Variants in TRIM16 observed in about 807,000 individuals in gnomAD.
TRIM16 encodes the protein tripartite motif containing 16.
In TRIM16, 33 loss-of-function variants were observed where a neutral mutation model predicts 50.4. The ratio of observed to expected loss-of-function variants is 0.65; its 90% confidence interval spans 0.50 to 0.88. The LOEUF (loss-of-function observed/expected upper bound fraction) is 0.88, where lower values mean the gene tolerates loss of function less well. TRIM16 is among the 40% of genes least tolerant of loss of function. TRIM16 has a pLI of 0.00. For missense variants in TRIM16, 581 were observed against 686.8 expected, an observed-to-expected ratio of 0.85 and a Z score of 1.72; for synonymous variants, 229 against 270.7, an observed-to-expected ratio of 0.85 and a Z score of 1.51.
At chr17:15,677,336 A>C (rs1988993335) in intron 5 of TRIM16, 56 bp from the exon 6 acceptor site, 2 of 965,644 alleles carry the variant, frequency 2.1e-6, no homozygotes, top group Admixed American at 1.2e-4. Context: ...GGACCACTCT[A>C]TTCTCAGTCC....
At chr17:15,677,409 T>C in intron 5 of TRIM16, 129 bp from the exon 6 acceptor site, 3 of 916,736 alleles carry the variant, frequency 3.3e-6, no homozygotes, top group African/African-American at 1.8e-5. Flanking sequence ...AATTAAATAA[T>C]TTCTACCCAA....
At chr17:15,631,766 A>G in intron 10 of TRIM16, 52 bp from the exon 11 acceptor site, 2 of 1,576,380 alleles carry the variant, frequency 1.3e-6, no homozygotes, top group South Asian at 2.2e-5. Context: ...GGTCAGGAGA[A>G]TCTGCAAATC....
chr17:15,665,026 C>T (rs9905652), intron 6 of TRIM16, among the ~76,000 whole-genome samples: 2,729 of 104,134 alleles, frequency 0.026, 98 homozygotes, highest in African/African-American at 0.11. Flanking sequence ...AGTGAGACTC[C>T]GTCTCAAAAA....
chr17:15,631,906 G>C, intron 10 of TRIM16, 192 bp from the exon 11 acceptor site: 1 of 607,156 alleles, frequency 1.6e-6, no homozygotes. Context: ...CTGAAAAAGT[G>C]ATCCAGACCA....
chr17:15,630,033 C>G (rs868523112), intron 11 of TRIM16, among the ~76,000 whole-genome samples: 4 of 152,184 alleles, frequency 2.6e-5, no homozygotes, highest in Non-Finnish European at 5.9e-5. Context: ...TCATGGTGTC[C>G]CTTGCTCTTA....
intron 8 of TRIM16, among the ~76,000 whole-genome samples, chr17:15,641,039 C>A (rs1987090036): frequency 6.7e-6 from 1 of 148,214 alleles, no homozygotes; most frequent in South Asian, 2.2e-4. Context: ...ACTCAGGATC[C>A]AAATCCTCAC....
At chr17:15,673,786 A>G (rs1240261342) in intron 6 of TRIM16, among the ~76,000 whole-genome samples, 12 of 152,272 alleles carry the variant, frequency 7.9e-5, no homozygotes, top group African/African-American at 2.9e-4. Flanking sequence ...TCTTAGAGCC[A>G]TATACAGAAA....
At chr17:15,665,326 A>ATG (rs1988445120) in intron 6 of TRIM16, among the ~76,000 whole-genome samples, 1 of 149,110 alleles carries the variant, frequency 6.7e-6, no homozygotes, top group Admixed American at 6.6e-5. Context: ...TGGCTAACCC[A>ATG]GTGAAACCCC....
chr17:15,677,816 T>G, intron 4 of TRIM16, 95 bp from the exon 5 acceptor site: 10 of 927,712 alleles, frequency 1.1e-5, no homozygotes, highest in Non-Finnish European at 1.3e-5. Flanking sequence ...AGACAAGATT[T>G]TATTGACTCG....
chr17:15,676,786 A>G (rs1988970388), intron 6 of TRIM16, among the ~76,000 whole-genome samples: 2 of 152,168 alleles, frequency 1.3e-5, no homozygotes, highest in South Asian at 4.1e-4. Flanking sequence ...TCTACACAAC[A>G]AATTATGTCA....
intron 8 of TRIM16, among the ~76,000 whole-genome samples, chr17:15,637,620 TGGG>T (rs1986882391): frequency 3.5e-5 from 1 of 28,508 alleles, no homozygotes; most frequent in Non-Finnish European, 6.4e-5. Context: ...GGGAGGGAGG[TGGG>T]GGGGGGTCAG....
chr17:15,655,872 C>T (rs113390592), intron 6 of TRIM16, among the ~76,000 whole-genome samples: 22 of 152,364 alleles, frequency 1.4e-4, no homozygotes, highest in South Asian at 1.0e-3. Flanking sequence ...CCGCGCCCAA[C>T]GCGTGTCCCC....
chr17:15,682,822 A>G lies in TRIM16; in HGVS notation c.-679+32T>C, dbSNP rs747201146. On this transcript the variant is annotated intron_variant, in intron 3 of 11. Transcript: ENST00000649191. ...GAGTTTCAAATTAAAAGGGAATATT[A>G]GTAAAATCACCACCATTCTTCGCAC... 1.1e-4 allele frequency: 149 copies of G among 1,399,814 alleles called. 1 individual carries two copies. The Middle Eastern group carries it at 1.6e-3, about 15-fold the overall frequency. The allele number at this position is 1,399,814 out of a possible 1,614,324, so 86.7% of individuals were successfully genotyped here.
chr17:15,634,321 C>G (rs1463477357), intron 9 of TRIM16, among the ~76,000 whole-genome samples: 2 of 146,078 alleles, frequency 1.4e-5, no homozygotes, highest in East Asian at 4.2e-4. Context: ...AAGAGCAAGA[C>G]TCCGTCTCGA....
chr17:15,631,952 C>A, intron 10 of TRIM16: 2 of 532,124 alleles, frequency 3.8e-6, no homozygotes, highest in Non-Finnish European at 6.7e-6. Flanking sequence ...GCATCAGCAA[C>A]CTGGGAAGCT....
chr17:15,658,759 G>A (rs777783569), intron 6 of TRIM16: 550 of 965,460 alleles, frequency 5.7e-4, no homozygotes, highest in Non-Finnish European at 6.3e-4. Context: ...GCTGGAAGTC[G>A]CATCACTCCT....
intron 8 of TRIM16, among the ~76,000 whole-genome samples, chr17:15,637,995 AAATG>A (rs1986921909): frequency 7.1e-6 from 1 of 141,460 alleles, no homozygotes; most frequent in African/African-American, 2.7e-5. Context: ...ACTCAGAGTT[AAATG>A]GATTAAGGGC....
At chr17:15,658,807 G>A in intron 6 of TRIM16, 1 of 985,428 alleles carries the variant, frequency 1.0e-6, no homozygotes, top group South Asian at 4.7e-5. Context: ...CTTACCTGGA[G>A]GTGCAGGCCC....
Position 15,663,761 on chromosome 17 carries a change from T to C in TRIM16, c.-337-11815A>G, listed in dbSNP as rs1480822564. ...CCAAAACTGGAAAGGACCTTGTCCC[T>C]ACCAGTCTCCATACAATGAATGCCA... On this transcript the variant is annotated intron_variant, in intron 6 of 11. Transcript: ENST00000649191. 2.0e-5 allele frequency among the ~76,000 whole-genome samples: 3 copies of C among 152,206 alleles called. No individual in the cohort carries two copies. The East Asian group carries it at 5.8e-4, about 29-fold the overall frequency.
Sources: allele counts gnomAD v4.1 joint callset (sites outside exome capture counted in the v4.1 genomes callset), GRCh38; gene constraint gnomAD v4.1.1; transcripts MANE v1.5; gene names NCBI Gene and HGNC (gene_info 2026-07-23, HGNC 2026-07-21).